The following JMJD1C variants were observed in gnomAD, a reference collection of about 807,000 sequenced individuals.
JMJD1C encodes jumonji domain containing 1C.
In JMJD1C, 31 loss-of-function variants were observed where a neutral mutation model predicts 245.3. The ratio of observed to expected loss-of-function variants is 0.13; its 90% CI spans 0.09 to 0.17. The LOEUF is 0.17. Among genes scored for constraint, JMJD1C ranks in the 10% least tolerant of loss-of-function variants. The probability of loss-of-function intolerance (pLI) is 1.00; values close to 1 mark genes in which losing one functional copy is unlikely to be tolerated. For missense variants in JMJD1C, 2,691 were observed against 3,000.2 expected (o/e 0.90, Z 2.41); for synonymous variants, 1,057 against 1,017.4 (o/e 1.04, Z -0.74).
intron 11 of JMJD1C, among the ~76,000 whole-genome samples, 156 bp from the exon 12 acceptor site, chr10:63,198,883 T>C (rs1434062977): frequency 2.6e-5 from 4 of 152,166 alleles, no homozygotes; most frequent in Admixed American, 1.3e-4. Context: ...ACACTAATTA[T>C]TGAATTAATT....
chr10:63,169,569 T>C (rs896684703), intron 24 of JMJD1C, among the ~76,000 whole-genome samples: 12 of 152,138 alleles, frequency 7.9e-5, no homozygotes, highest in Admixed American at 7.9e-4. Flanking sequence ...GATAGGGTGA[T>C]GGAATTCCAG....
At chr10:63,361,174 G>C (rs900415690) in intron 2 of JMJD1C, among the ~76,000 whole-genome samples, 1 of 152,094 alleles carries the variant, frequency 6.6e-6, no homozygotes, top group African/African-American at 2.4e-5. Context: ...TGTAATCCCG[G>C]CACTTTGGGA....
chr10:63,202,201 G>T, intron 10 of JMJD1C: 2 of 637,554 alleles, frequency 3.1e-6, no homozygotes, highest in African/African-American at 2.0e-5. Flanking sequence ...TTGCAGTGGG[G>T]TGAGATCGTG....
chr10:63,281,149 G>A (rs1486730359), intron 2 of JMJD1C, among the ~76,000 whole-genome samples: 1 of 40,104 alleles, frequency 2.5e-5, no homozygotes, highest in Non-Finnish European at 4.4e-5. Flanking sequence ...TTTTTTTTTT[G>A]AGATGGAGTC....
intron 1 of JMJD1C, among the ~76,000 whole-genome samples, chr10:63,438,632 C>T (rs893439444): frequency 4.6e-5 from 7 of 152,314 alleles, no homozygotes; most frequent in African/African-American, 1.4e-4. Context: ...TTTTCCTTCT[C>T]CTCTCCCACT....
intron 1 of JMJD1C, among the ~76,000 whole-genome samples, chr10:63,435,487 A>G (rs1387476195): frequency 6.6e-6 from 1 of 152,160 alleles, no homozygotes; most frequent in Non-Finnish European, 1.5e-5. Context: ...GAAAATGAAA[A>G]ACTTGGAAAA....
intron 1 of JMJD1C, among the ~76,000 whole-genome samples, chr10:63,493,060 C>T (rs1415030479): frequency 6.6e-6 from 1 of 152,004 alleles, no homozygotes; most frequent in South Asian, 2.1e-4. Flanking sequence ...TCTTTCTTTC[C>T]GTTTCTCTCC....
intron 3 of JMJD1C, among the ~76,000 whole-genome samples, chr10:63,221,536 A>T (rs955532842): frequency 1.7e-4 from 26 of 152,200 alleles, no homozygotes; most frequent in Non-Finnish European, 1.5e-4. Flanking sequence ...AAAATCTGTC[A>T]TTTTGGGAGA....
chr10:63,330,739 A>G (rs1462367650), intron 2 of JMJD1C, among the ~76,000 whole-genome samples: 1 of 152,170 alleles, frequency 6.6e-6, no homozygotes, highest in Admixed American at 6.5e-5. Flanking sequence ...CACAGATAAT[A>G]TTCTAAAATC....
chr10:63,426,488 T>G (rs1368162558), intron 1 of JMJD1C, among the ~76,000 whole-genome samples: 1 of 152,142 alleles, frequency 6.6e-6, no homozygotes, highest in Admixed American at 6.5e-5. Context: ...CTGACCAACA[T>G]GGTGAAACCC....
intron 2 of JMJD1C, among the ~76,000 whole-genome samples, chr10:63,332,877 G>A (rs1407950708): frequency 1.3e-5 from 2 of 152,080 alleles, no homozygotes; most frequent in East Asian, 3.8e-4. Context: ...GATCTATCAC[G>A]TGAAAGGCTT....
At chr10:63,462,212 A>G (rs1952843696) in intron 1 of JMJD1C, among the ~76,000 whole-genome samples, 1 of 152,242 alleles carries the variant, frequency 6.6e-6, no homozygotes, top group South Asian at 2.1e-4. Flanking sequence ...ATAACCCAAA[A>G]GGTTCTCACG....
At chr10:63,181,457 C>G (rs976339971) in intron 22 of JMJD1C, among the ~76,000 whole-genome samples, 47 of 151,868 alleles carry the variant, frequency 3.1e-4, no homozygotes, top group African/African-American at 1.1e-3. Flanking sequence ...CAGAAGTTTG[C>G]CAGGAAGACA....
intron 1 of JMJD1C, among the ~76,000 whole-genome samples, chr10:63,412,199 C>A (rs1949527359): frequency 6.6e-6 from 1 of 152,066 alleles, no homozygotes; most frequent in Admixed American, 6.5e-5. Flanking sequence ...CTGGTAATAG[C>A]CTACTGTTGA....
intron 13 of JMJD1C, among the ~76,000 whole-genome samples, chr10:63,196,676 T>C (rs918226882): frequency 6.6e-6 from 1 of 152,252 alleles, no homozygotes. Flanking sequence ...TTCTAATGTT[T>C]CCACAATATT....
chr10:63,227,876 G>A (rs912659299), intron 3 of JMJD1C, among the ~76,000 whole-genome samples: 2 of 152,178 alleles, frequency 1.3e-5, no homozygotes, highest in Admixed American at 1.3e-4. Flanking sequence ...GTTTTAAAAC[G>A]TGAATGTTAA....
intron 2 of JMJD1C, among the ~76,000 whole-genome samples, chr10:63,270,389 A>G (rs1856141348): frequency 6.6e-6 from 1 of 151,692 alleles, no homozygotes; most frequent in South Asian, 2.1e-4. Context: ...CTTGTCTCAA[A>G]AACTCCTGAC....
intron 1 of JMJD1C, among the ~76,000 whole-genome samples, chr10:63,425,859 C>T (rs1191904002): frequency 5.3e-5 from 8 of 152,112 alleles, no homozygotes; most frequent in Admixed American, 3.9e-4. Flanking sequence ...TTCCCCTCAA[C>T]GGAAATATAT....
intron 3 of JMJD1C, among the ~76,000 whole-genome samples, chr10:63,259,412 G>GAAA (rs139773244): frequency 6.7e-6 from 1 of 148,178 alleles, no homozygotes; most frequent in Non-Finnish European, 1.5e-5. Context: ...AAATTTAGGA[G>GAAA]AAAAAAAAAA....
Sources: gnomAD v4.1 joint callset for allele counts (sites outside exome capture counted in the v4.1 genomes callset) on GRCh38, gnomAD v4.1.1 for gene constraint, MANE v1.5 for transcripts, NCBI Gene and HGNC (gene_info 2026-07-23, HGNC 2026-07-21) for gene names.